Variants in TBX21 observed in about 807,000 individuals in gnomAD.
TBX21 encodes the protein T-box transcription factor 21, also known as T-box transcription factor TBX21.
TBX21 carries 11 observed loss-of-function variants against 52.2 expected under a neutral mutation model. That is an observed-to-expected ratio of 0.21 (90% confidence interval 0.13 to 0.35). The LOEUF (loss-of-function observed/expected upper bound fraction) is 0.35, where lower values mean the gene tolerates loss of function less well. Ranked by LOEUF, TBX21 falls within the 10% of genes least tolerant of loss-of-function variation. TBX21 has a pLI of 1.00. For missense variants in TBX21, 625 were observed against 755.1 expected (o/e 0.83, Z 2.02); for synonymous variants, 300 against 316.1 (o/e 0.95, Z 0.54).
chr17:47,740,672 G>C (rs958761221), intron 1 of TBX21, among the ~76,000 whole-genome samples: 1 of 152,214 alleles, frequency 6.6e-6, no homozygotes. Flanking sequence ...GGAGGTTAGA[G>C]TGAGCTGAGA....
rs142939473 is a variant in TBX21 at position 47,745,010 on chromosome 17, T to C, written c.1252T>C (p.Ser418Pro). The change falls in exon 6 of 6, where the codon TCC becomes CCC. Residue 418 changes from serine (S) to proline (P), a missense_variant. By Grantham distance (74) the Ser-to-Pro change is moderately conservative (BLOSUM62 -1). Around this residue, in one of 4 missense-constraint regions of TBX21, gnomAD observed 261 missense variants for 275.1 expected, o/e 0.95. Transcript: ENST00000177694. The stretch of plus-strand genomic sequence containing the variant: ...GCCCTCTGCCCCTGGGCCCACCATG[T>C]CCTACTACCGAGGCCAGGAGGTCCT... ...FLPSAPGPTM[S>P]YYRGQEVLAP... The C allele has an allele frequency of 4.0e-5, 64 of 1,612,714 alleles. No homozygotes were observed. The African/African-American group carries it at 8.4e-4, about 21-fold the overall frequency.
At chr17:47,744,149 G>T in intron 3 of TBX21, 46 bp from the exon 4 acceptor site, 2 of 1,597,308 alleles carry the variant, frequency 1.3e-6, no homozygotes, top group Admixed American at 1.7e-5. Flanking sequence ...TGGGATCCTC[G>T]AAATCCTTCC....
At chr17:47,739,892 G>A (rs964905013) in intron 1 of TBX21, among the ~76,000 whole-genome samples, 3 of 151,452 alleles carry the variant, frequency 2.0e-5, no homozygotes, top group Admixed American at 6.6e-5. Context: ...GGGACAGAGC[G>A]AGACTCTGTC....
At chr17:47,734,855 C>T (rs1456361959) in intron 1 of TBX21, among the ~76,000 whole-genome samples, 1 of 152,000 alleles carries the variant, frequency 6.6e-6, no homozygotes, top group African/African-American at 2.4e-5. Context: ...GGCTTCATGG[C>T]TCAGGGTTCC....
chr17:47,744,401 A>G (rs752326153), intron 4 of TBX21, 48 bp downstream of exon 4: 3 of 1,613,888 alleles, frequency 1.9e-6, no homozygotes, highest in Non-Finnish European at 2.5e-6. Flanking sequence ...AGTGGGGCCC[A>G]CTGTCTTCCT....
chr17:47,741,660 G>A (rs1370652313), intron 1 of TBX21, among the ~76,000 whole-genome samples: 1 of 152,100 alleles, frequency 6.6e-6, no homozygotes, highest in African/African-American at 2.4e-5. Context: ...TCATGGGTCT[G>A]GGAGTGTGTT....
Position 47,742,864 on chromosome 17 carries a change from C to A in TBX21, c.646+100C>A. ...TACCCCTAATTCCTAGACCTTTAAC[C>A]CCCTCCCACTCCATCCCACGCCATT... On this transcript the variant is annotated intron_variant, in intron 2 of 5. Transcript: ENST00000177694. This position sits in a 1 kb window ranked among gnomAD's most constrained non-coding sequence, Gnocchi z 4.4. The A allele has an allele frequency of 1.4e-6, 2 of 1,468,434 alleles. No individual in the cohort carries two copies. Among genetic ancestry groups the A allele is most frequent in the Non-Finnish European group, 1.8e-6 (2 of 1,108,246 alleles). The allele number at this position is 1,468,434 out of a possible 1,614,324, so 91.0% of individuals were successfully genotyped here. A position where few individuals can be genotyped will look rare whatever the true frequency, so the allele number is the denominator to read the frequency against.
rs924756692 is a variant in TBX21 at position 47,742,525 on chromosome 17, C to T, written c.492-85C>T. 3 of 1,457,088 alleles carry T rather than the reference C, an allele frequency of 2.1e-6. No individual in the cohort carries two copies. The highest frequency in any genetic ancestry group is 2.8e-5 in the African/African-American group (2 of 71,136). 90.3% of individuals were successfully genotyped at this position (1,457,088 alleles called of 1,614,324 possible). On this transcript the variant is annotated intron_variant, in intron 1 of 5. Transcript: ENST00000177694. This position sits in a 1 kb window ranked among gnomAD's most constrained non-coding sequence, Gnocchi z 4.4. ...TGGGAGGAAGCCGGCTACAGCACAC[C>T]ACTGATGCCTGGGCACTGTTGCAGG...
Position 47,745,660 on chromosome 17 carries a change from A to C in TBX21, c.*294A>C. ...TCCAGCTGGAGAAAAGAAGACAAGAAAGTCTTGGGCATGAAGGAGCTTTTT... is the reference window on the plus strand; with the variant it reads ...TCCAGCTGGAGAAAAGAAGACAAGACAGTCTTGGGCATGAAGGAGCTTTTT... On this transcript the variant is annotated 3_prime_UTR_variant, in exon 6 of 6. Coordinates refer to ENST00000177694, the MANE Select transcript of TBX21 (RefSeq NM_013351.2). The C allele has an allele frequency of 3.0e-6, 1 of 328,528 alleles. No homozygotes were observed. The highest frequency in any genetic ancestry group is 5.5e-6 in the Non-Finnish European group (1 of 181,030). 20.4% of individuals were successfully genotyped at this position (328,528 alleles called of 1,614,324 possible). A position where few individuals can be genotyped will look rare whatever the true frequency, so the allele number is the denominator to read the frequency against.
At chr17:47,743,505 C>T (rs953509172) in intron 3 of TBX21, among the ~76,000 whole-genome samples, 4 of 152,122 alleles carry the variant, frequency 2.6e-5, no homozygotes, top group South Asian at 2.1e-4. Context: ...GCCATTGCTC[C>T]GGCACCATGA....
At chr17:47,734,718 C>G (rs2032188862) in intron 1 of TBX21, among the ~76,000 whole-genome samples, 1 of 151,662 alleles carries the variant, frequency 6.6e-6, no homozygotes, top group African/African-American at 2.4e-5. Flanking sequence ...GAAGCTCACC[C>G]AGGGGTCCAG....
intron 3 of TBX21, among the ~76,000 whole-genome samples, chr17:47,743,841 T>C (rs41407050): frequency 0.068 from 10,019 of 146,972 alleles, 458 homozygotes; most frequent in African/African-American, 0.12. Flanking sequence ...GATCATGCCA[T>C]TGCACTCCAG....
rs771582784 is a variant in TBX21 at position 47,744,200 on chromosome 17, T to C, written c.774T>C (p.Ile258=). The C allele has an allele frequency of 2.5e-6, 4 of 1,614,054 alleles. No homozygotes were observed. In the African/African-American group the frequency reaches 4.0e-5, roughly 16 times the overall value. The part of the protein sequence containing the change: ...KGASNNVTQM[I]VLQSLHKYQP... ...CCGTCTTGCTCTGTCTACAGATGAT[T>C]GTGCTCCAGTCCCTCCATAAGTACC... Residue 258 remains isoleucine, a synonymous_variant, in exon 4 of 6, where the codon ATT becomes ATC. Coordinates refer to ENST00000177694, the MANE Select transcript of TBX21 (RefSeq NM_013351.2).
intron 3 of TBX21, among the ~76,000 whole-genome samples, 199 bp from the exon 4 acceptor site, chr17:47,743,996 G>A (rs1206156436): frequency 6.6e-6 from 1 of 152,188 alleles, no homozygotes; most frequent in Non-Finnish European, 1.5e-5. Context: ...GGGGGCAAGA[G>A]GCTAGAATTG....
chr17:47,745,395 C>T lies in TBX21; in HGVS notation c.*29C>T, dbSNP rs770267111. On this transcript the variant is annotated 3_prime_UTR_variant, in exon 6 of 6. Transcript: ENST00000177694. ...GATGACATGATGAAAGGAACAGAAA[C>T]AGTGTTATTAGGTTGGAGGACACCG... The T allele has an allele frequency of 2.6e-6, 4 of 1,560,576 alleles. No individual in the cohort carries two copies. In the Admixed American group the frequency reaches 5.7e-5, roughly 22 times the overall value.
chr17:47,743,879 C>CAA (rs772309900), intron 3 of TBX21, among the ~76,000 whole-genome samples: 4,362 of 61,270 alleles, frequency 0.071, 80 homozygotes, highest in African/African-American at 0.11. Flanking sequence ...GACTCCGTCT[C>CAA]AAAAAAAAAA....
intron 1 of TBX21, among the ~76,000 whole-genome samples, chr17:47,737,569 T>C (rs1191564953): frequency 6.6e-6 from 1 of 152,148 alleles, no homozygotes; most frequent in Non-Finnish European, 1.5e-5. Flanking sequence ...ATATTTTTCA[T>C]GGGCCAGGAA....
intron 1 of TBX21, among the ~76,000 whole-genome samples, chr17:47,734,611 ATG>A (rs1341316539): frequency 1.7e-5 from 1 of 60,090 alleles, no homozygotes; most frequent in African/African-American, 6.7e-5. Flanking sequence ...GTGTGTGTGT[ATG>A]TGTGTGTGGG....
Position 47,743,055 on chromosome 17 carries a change from G to A in TBX21, c.647-16G>A, listed in dbSNP as rs775199800. On this transcript the variant is annotated splice_polypyrimidine_tract_variant and intron_variant, in intron 2 of 5. Transcript: ENST00000177694. ...TGTCCCGGGGGCTGCATGTCAAAGA[G>A]GTGAACTGTCCACAGGAAACCGCCT... 2.5e-6 allele frequency: 4 copies of A among 1,613,760 alleles called. No homozygotes were observed. The African/African-American group carries it at 4.0e-5, about 16-fold the overall frequency.
Sources: gnomAD v4.1 joint callset for allele counts (sites outside exome capture counted in the v4.1 genomes callset) on GRCh38, gnomAD v4.1.1 for gene constraint, gnomAD v4.1.1 regional missense constraint, Gnocchi (gnomAD v3.1) non-coding constraint, MANE v1.5 for transcripts, NCBI Gene and HGNC (gene_info 2026-07-23, HGNC 2026-07-21) for gene names.